Variants in NUDT3 observed in about 807,000 individuals in gnomAD.
The protein encoded by NUDT3 is diphosphoinositol polyphosphate phosphohydrolase 1.
Under a neutral mutation model 23.6 loss-of-function variants are expected in NUDT3, and 9 were observed. The observed-to-expected ratio is 0.38, with a 90% CI of 0.23 to 0.66. The LOEUF (loss-of-function observed/expected upper bound fraction) is 0.66. Among genes scored for constraint, NUDT3 ranks in the 30% least tolerant of loss-of-function variants. The probability of loss-of-function intolerance (pLI) is 0.52; values close to 1 mark genes in which losing one functional copy is unlikely to be tolerated. For missense variants in NUDT3, 172 were observed against 218.5 expected (o/e 0.79, Z 1.34); for synonymous variants, 86 against 82.6 (o/e 1.04, Z -0.22).
chr6:34,309,343 GAATAAA>G (rs1485431920), intron 2 of NUDT3, among the ~76,000 whole-genome samples: 4 of 152,136 alleles, frequency 2.6e-5, no homozygotes, highest in Admixed American at 2.0e-4. Context: ...GAAAATTTTT[GAATAAA>G]AATAAAAATA....
At chr6:34,298,099 A>G (rs375434272) in intron 2 of NUDT3, among the ~76,000 whole-genome samples, 1 of 151,716 alleles carries the variant, frequency 6.6e-6, no homozygotes, top group Non-Finnish European at 1.5e-5. Context: ...CGGTGGCTCA[A>G]GCCTGTAATC....
rs1279144326 is a variant in NUDT3, at chr6:34,286,147, T to C, written c.*2606A>G. 1.3e-5 allele frequency: 2 copies of C among 152,278 alleles called. No homozygotes were observed. The highest frequency in any genetic ancestry group is 1.9e-4 in the East Asian group (1 of 5,202). 9.4% of individuals were successfully genotyped at this position (152,278 alleles called of 1,614,324 possible). ...CCCAGGCTGGAGTGCAGTGGCATGATCTTGGCTTACTGCAACCTCTGCCTC... is the reference window on the plus strand; with the variant it reads ...CCCAGGCTGGAGTGCAGTGGCATGACCTTGGCTTACTGCAACCTCTGCCTC... On this transcript the variant is annotated 3_prime_UTR_variant, in exon 5 of 5. Transcript: ENST00000607016.
Position 34,373,454 on chromosome 6 carries a change from A to G in NUDT3, c.99+18810T>C, listed in dbSNP as rs115627528. Among the ~76,000 whole-genome samples, 1,356 of 151,444 alleles carry G rather than the reference A, an allele frequency of 9.0e-3. 15 individuals carry two copies. The highest frequency in any genetic ancestry group is 0.024 in the Middle Eastern group (7 of 294). Reference sequence around the variant, plus strand: ...TATCCTCATAAATAATTGTAGGCCTATTGTGTATGGAGCACCACGTAGGCA... The same window carrying G: ...TATCCTCATAAATAATTGTAGGCCTGTTGTGTATGGAGCACCACGTAGGCA... On this transcript the variant is annotated intron_variant, in intron 1 of 4. Coordinates refer to ENST00000607016, the MANE Select transcript of NUDT3 (RefSeq NM_006703.4).
intron 1 of NUDT3, among the ~76,000 whole-genome samples, chr6:34,369,570 G>A (rs1177398691): frequency 2.0e-5 from 3 of 152,136 alleles, no homozygotes; most frequent in Non-Finnish European, 2.9e-5. Context: ...GTCAAACAGC[G>A]ATAGGTACTA....
chr6:34,309,483 A>C (rs773142800), intron 2 of NUDT3, among the ~76,000 whole-genome samples: 1 of 152,096 alleles, frequency 6.6e-6, no homozygotes, highest in Non-Finnish European at 1.5e-5. Flanking sequence ...GGAAACTAGA[A>C]AAAGAGCAAA....
chr6:34,335,867 C>G (rs188660273), intron 2 of NUDT3, among the ~76,000 whole-genome samples: 276 of 151,740 alleles, frequency 1.8e-3, no homozygotes, highest in African/African-American at 6.1e-3. Flanking sequence ...GGACTACAGG[C>G]CCATACCACC....
intron 2 of NUDT3, among the ~76,000 whole-genome samples, chr6:34,304,533 T>C (rs1763648052): frequency 6.6e-6 from 1 of 152,208 alleles, no homozygotes; most frequent in Non-Finnish European, 1.5e-5. Context: ...AGAATATACA[T>C]ATTTTAAAAT....
At chr6:34,293,642 A>G in intron 3 of NUDT3, 107 bp from the exon 4 acceptor site, 1 of 1,320,224 alleles carries the variant, frequency 7.6e-7, no homozygotes, top group Non-Finnish European at 1.0e-6. Context: ...AGACACAAAG[A>G]TTCTAAACTT....
At chr6:34,339,860 A>G (rs1282900608) in intron 2 of NUDT3, among the ~76,000 whole-genome samples, 1 of 152,202 alleles carries the variant, frequency 6.6e-6, no homozygotes, top group Non-Finnish European at 1.5e-5. Flanking sequence ...CAAAATAAAC[A>G]TTTTATCTTC....
intron 1 of NUDT3, among the ~76,000 whole-genome samples, chr6:34,344,571 T>A (rs1352984164): frequency 6.6e-6 from 1 of 152,156 alleles, no homozygotes; most frequent in Non-Finnish European, 1.5e-5. Context: ...AGCAACTGCA[T>A]AACAGGCACA....
At chr6:34,374,270 A>G (rs1764886316) in intron 1 of NUDT3, among the ~76,000 whole-genome samples, 1 of 152,030 alleles carries the variant, frequency 6.6e-6, no homozygotes, top group Non-Finnish European at 1.5e-5. Flanking sequence ...GAATTATCAC[A>G]GTAGACAGAT....
chr6:34,332,722 A>G lies in NUDT3; in HGVS notation c.210+9140T>C, dbSNP rs206931. ...GGCGCTTGAGCATCGGCAGATTTTT[A>G]TATCCATCAGGGGTCCTGAAACCAA... On this transcript the variant is annotated intron_variant, in intron 2 of 4. Transcript: ENST00000607016. 2.4e-3 allele frequency among the ~76,000 whole-genome samples: 365 copies of G among 152,318 alleles called. 2 individuals are homozygous for G. The highest frequency in any genetic ancestry group is 8.3e-3 in the African/African-American group (347 of 41,574).
chr6:34,369,408 A>C (rs139198742), intron 1 of NUDT3, among the ~76,000 whole-genome samples: 44 of 152,352 alleles, frequency 2.9e-4, no homozygotes, highest in African/African-American at 1.0e-3. Context: ...AGTTTTCTTA[A>C]AGTTCAAAGG....
At chr6:34,389,755 A>G (rs1286821088) in intron 1 of NUDT3, among the ~76,000 whole-genome samples, 2 of 152,144 alleles carry the variant, frequency 1.3e-5, no homozygotes, top group Non-Finnish European at 2.9e-5. Flanking sequence ...TGAGGTCAGG[A>G]GATTGAGACC....
At chr6:34,326,271 ACTTT>A (rs1764026742) in intron 2 of NUDT3, among the ~76,000 whole-genome samples, 1 of 152,232 alleles carries the variant, frequency 6.6e-6, no homozygotes, top group South Asian at 2.1e-4. Context: ...ATCTAGCTAC[ACTTT>A]CTAATTTTAA....
intron 1 of NUDT3, among the ~76,000 whole-genome samples, chr6:34,370,431 G>A (rs768538295): frequency 1.5e-4 from 23 of 152,322 alleles, no homozygotes; most frequent in Admixed American, 2.0e-4. Context: ...GATGACAGAA[G>A]TAATAGTGCC....
chr6:34,355,151 T>C (rs1764543110), intron 1 of NUDT3, among the ~76,000 whole-genome samples: 1 of 152,184 alleles, frequency 6.6e-6, no homozygotes. Flanking sequence ...AGTATGATAT[T>C]AGCTGTTTGG....
intron 2 of NUDT3, among the ~76,000 whole-genome samples, chr6:34,338,627 C>T (rs1053067092): frequency 1.3e-5 from 2 of 152,174 alleles, no homozygotes; most frequent in Non-Finnish European, 2.9e-5. Flanking sequence ...AAGGTGCAGA[C>T]TCTGAACTGG....
Position 34,324,260 on chromosome 6 carries a change from CAG to C in NUDT3, c.210+17600_210+17601del, listed in dbSNP as rs1196954675. 2.0e-5 allele frequency among the ~76,000 whole-genome samples: 3 copies of C among 150,964 alleles called. No homozygotes were observed. The Admixed American group carries it at 2.0e-4, about 10-fold the overall frequency. ...CCCAGCTACTCAGGAGACTGTGAGG[CAG>C]AAGAATGGCTTGAACCCAGGAGGCA... On this transcript the variant is annotated intron_variant, in intron 2 of 4. Transcript: ENST00000607016.
Sources: allele counts gnomAD v4.1 joint callset (sites outside exome capture counted in the v4.1 genomes callset), GRCh38; gene constraint gnomAD v4.1.1; transcripts MANE v1.5; gene names NCBI Gene and HGNC (gene_info 2026-07-23, HGNC 2026-07-21).